Variants in GNAL observed in about 807,000 individuals in gnomAD.
GNAL encodes G protein subunit alpha L, also known as guanine nucleotide-binding protein G(olf) subunit alpha.
A neutral mutation model predicts 55.1 loss-of-function variants in GNAL; 18 were observed. The ratio of observed to expected loss-of-function variants is 0.33; its 90% CI spans 0.23 to 0.48. GNAL has a LOEUF of 0.48. GNAL is among the 20% of genes least tolerant of loss of function. GNAL has a pLI of 0.99. For synonymous variants in GNAL, 253 were observed against 237.0 expected, an observed-to-expected ratio of 1.07 and a Z score of -0.62; for missense variants, 412 against 614.1, an observed-to-expected ratio of 0.67 and a Z score of 3.48.
chr18:11,828,829 G>T (rs9966733), intron 5 of GNAL, among the ~76,000 whole-genome samples: 46,633 of 152,050 alleles, frequency 0.31, 8,545 homozygotes, highest in African/African-American at 0.51. Flanking sequence ...CACTGTGTGA[G>T]ACTTTGGGCA....
intron 4 of GNAL, among the ~76,000 whole-genome samples, chr18:11,759,713 C>G (rs115053083): frequency 6.6e-6 from 1 of 152,236 alleles, no homozygotes; most frequent in Non-Finnish European, 1.5e-5. Flanking sequence ...GTGCGGTGCC[C>G]AGCCCAGGGA....
intron 5 of GNAL, among the ~76,000 whole-genome samples, chr18:11,843,102 T>G (rs534865707): frequency 6.6e-6 from 1 of 151,578 alleles, no homozygotes; most frequent in East Asian, 1.9e-4. Context: ...GAGGCCAAGG[T>G]GAAAAGATCC....
intron 4 of GNAL, among the ~76,000 whole-genome samples, chr18:11,787,657 G>A (rs999969501): frequency 6.6e-6 from 1 of 152,166 alleles, no homozygotes; most frequent in Non-Finnish European, 1.5e-5. Context: ...GGCGGATCAC[G>A]AGGTCAGGAG....
chr18:11,777,639 T>C lies in GNAL; in HGVS notation c.624+23694T>C, dbSNP rs535360904. Among the ~76,000 whole-genome samples the C allele has an allele frequency of 2.0e-5, 3 of 152,328 alleles. No individual in the cohort carries two copies. The South Asian group carries it at 6.2e-4, about 32-fold the overall frequency. On this transcript the variant is annotated intron_variant, in intron 4 of 11. Coordinates refer to ENST00000334049, the MANE Select transcript of GNAL (RefSeq NM_182978.4). ...TAATGTAATTAGCACTCTTGAAGTA[T>C]TTTGCTGGATGCCTTTCTTCATGCT...
intron 1 of GNAL, among the ~76,000 whole-genome samples, chr18:11,722,592 T>A (rs1170789643): frequency 6.6e-6 from 1 of 152,170 alleles, no homozygotes; most frequent in Non-Finnish European, 1.5e-5. Flanking sequence ...AAATGTTGGC[T>A]GGGTGCGGTG....
rs1457640861 is a variant in GNAL, at chr18:11,810,732, C to G, written c.625-14186C>G. 4 of 152,436 alleles carry G rather than the reference C, an allele frequency of 2.6e-5. No homozygotes were observed. The East Asian group carries it at 7.7e-4, about 29-fold the overall frequency. The allele number at this position is 152,436 out of a possible 1,614,324, so 9.4% of individuals were successfully genotyped here. ...TGTTTATGGCAGTATTCTGCTACCC[C>G]TTTTCTTCCCTGTGGCATATTTTTC... On this transcript the variant is annotated intron_variant, in intron 4 of 11. Transcript: ENST00000334049.
chr18:11,731,822 C>G (rs555830332), intron 1 of GNAL, among the ~76,000 whole-genome samples: 50 of 152,306 alleles, frequency 3.3e-4, no homozygotes, highest in Admixed American at 1.2e-3. Context: ...CAAAGAAGCC[C>G]TGGACCCACT....
chr18:11,717,421 G>T (rs540202513), intron 1 of GNAL, among the ~76,000 whole-genome samples: 1 of 152,230 alleles, frequency 6.6e-6, no homozygotes, highest in Non-Finnish European at 1.5e-5. Context: ...AGGAGGCCCC[G>T]AGAGCGAGTG....
At chr18:11,768,353 C>T (rs577937609) in intron 4 of GNAL, among the ~76,000 whole-genome samples, 1 of 152,320 alleles carries the variant, frequency 6.6e-6, no homozygotes, top group Non-Finnish European at 1.5e-5. Flanking sequence ...GTAATTCCAG[C>T]ACTTTCAGAG....
At chr18:11,716,505 G>A (rs1019038073) in intron 1 of GNAL, among the ~76,000 whole-genome samples, 8 of 152,168 alleles carry the variant, frequency 5.3e-5, no homozygotes, top group Non-Finnish European at 1.2e-4. Flanking sequence ...GCCACGGCTG[G>A]CTCTGGCAGC....
At chr18:11,869,439 G>A (rs938466240) in intron 9 of GNAL, among the ~76,000 whole-genome samples, 4 of 150,590 alleles carry the variant, frequency 2.7e-5, no homozygotes, top group Middle Eastern at 3.4e-3. Context: ...CACCGCACCC[G>A]GCCAATGTGG....
In GNAL at chr18:11,743,405, G is replaced by C. The variant is rs138532024; in HGVS notation, c.377-9448G>C. Among the ~76,000 whole-genome samples, 109 of 152,030 alleles carry C rather than the reference G, an allele frequency of 7.2e-4. 1 individual carries two copies. Among genetic ancestry groups the C allele is most frequent in the African/African-American group, 2.5e-3 (105 of 41,464 alleles). The stretch of plus-strand genomic sequence containing the variant: ...TTTGCTCCAAATCAAGGGACTTTGT[G>C]GAGTCCGACTCACTTTATACTAAAA... On this transcript the variant is annotated intron_variant, in intron 1 of 11. Transcript: ENST00000334049.
chr18:11,730,769 G>C (rs895787728), intron 1 of GNAL, among the ~76,000 whole-genome samples: 3 of 151,136 alleles, frequency 2.0e-5, no homozygotes, highest in Non-Finnish European at 4.4e-5. Context: ...ATCTCAAAAA[G>C]GAAAAAAAAT....
In GNAL at chr18:11,740,243, T is replaced by C. The variant is rs150866388; in HGVS notation, c.377-12610T>C. 3.3e-3 allele frequency among the ~76,000 whole-genome samples: 507 copies of C among 152,280 alleles called. 4 individuals carry two copies. The highest frequency in any genetic ancestry group is 5.2e-3 in the Non-Finnish European group (357 of 68,022). Reference sequence around the variant, plus strand: ...CCCCTTCAATCCAGCTCTTGTGTGCTAGTGGTGTACCCCCAGCATTTTGGG... The same window carrying C: ...CCCCTTCAATCCAGCTCTTGTGTGCCAGTGGTGTACCCCCAGCATTTTGGG... On this transcript the variant is annotated intron_variant, in intron 1 of 11. Coordinates refer to ENST00000334049, the MANE Select transcript of GNAL (RefSeq NM_182978.4).
In GNAL at chr18:11,749,612, G is replaced by A. The variant is rs562796245; in HGVS notation, c.377-3241G>A. 7.2e-5 allele frequency among the ~76,000 whole-genome samples: 11 copies of A among 152,328 alleles called. No individual in the cohort carries two copies. The South Asian group carries it at 2.1e-3, about 29-fold the overall frequency. On this transcript the variant is annotated intron_variant, in intron 1 of 11. Transcript: ENST00000334049. Reference sequence around the variant, plus strand: ...TAGGCTCAGCCTCCGCCCTCAAGGAGTCCACAGTCTAGTGGAGTTTTGAGG... The same window carrying A: ...TAGGCTCAGCCTCCGCCCTCAAGGAATCCACAGTCTAGTGGAGTTTTGAGG...
At chr18:11,824,687 C>A (rs201273182) in intron 4 of GNAL, among the ~76,000 whole-genome samples, 4 of 75,892 alleles carry the variant, frequency 5.3e-5, no homozygotes, top group African/African-American at 9.3e-5. Flanking sequence ...GACTGTGTCT[C>A]AAAAAAAAAA....
rs536818248 is a variant in GNAL at position 11,853,269 on chromosome 18, A to C, written c.723-9126A>C. 3.0e-5 allele frequency: 5 copies of C among 167,266 alleles called. No homozygotes were observed. In the East Asian group the frequency reaches 9.6e-4, roughly 32 times the overall value. The allele number at this position is 167,266 out of a possible 1,614,324, so 10.4% of individuals were successfully genotyped here. ...CTGGAAATCTGAGAAGTAAAGAGGT[A>C]GGACTGGAAGGAAGGAGAAAGCTTG... On this transcript the variant is annotated intron_variant, in intron 5 of 11. Coordinates refer to ENST00000334049, the MANE Select transcript of GNAL (RefSeq NM_182978.4).
chr18:11,767,552 G>A (rs975927431), intron 4 of GNAL, among the ~76,000 whole-genome samples: 1 of 152,070 alleles, frequency 6.6e-6, no homozygotes, highest in South Asian at 2.1e-4. Context: ...CCTTGTGCTT[G>A]CACACTTGCA....
chr18:11,747,605 A>AGGATAGGTGTACTGGGGAT (rs2032717145), intron 1 of GNAL: 1 of 139,658 alleles, frequency 7.2e-6, no homozygotes, highest in African/African-American at 2.7e-5. Flanking sequence ...CTTGTTGTGA[A>AGGATAGGTGTACTGGGGAT]GGATAGGGGT....
Sources: allele counts gnomAD v4.1 joint callset (sites outside exome capture counted in the v4.1 genomes callset), GRCh38; gene constraint gnomAD v4.1.1; transcripts MANE v1.5; gene names NCBI Gene and HGNC (gene_info 2026-07-23, HGNC 2026-07-21).